Variants in SLC35E1 observed in about 807,000 individuals in gnomAD.
SLC35E1 encodes solute carrier family 35, member E1.
A neutral mutation model predicts 31.0 loss-of-function variants in SLC35E1; 12 were observed. The observed-to-expected ratio is 0.39, with a 90% CI of 0.25 to 0.63. The LOEUF (loss-of-function observed/expected upper bound fraction) is 0.63, where lower values mean the gene tolerates loss of function less well. Ranked by LOEUF, SLC35E1 falls within the 20% of genes least tolerant of loss-of-function variation. The pLI is 0.52. For synonymous variants in SLC35E1, 257 were observed against 264.1 expected (o/e 0.97, Z 0.26); for missense variants, 429 against 572.2 (o/e 0.75, Z 2.55).
At chr19:16,570,764 C>T (rs2085953644) in intron 2 of SLC35E1, among the ~76,000 whole-genome samples, 1 of 152,200 alleles carries the variant, frequency 6.6e-6, no homozygotes, top group Non-Finnish European at 1.5e-5. Context: ...CGTCTGGCTT[C>T]TGATCCCAGA....
chr19:16,558,774 T>G (rs1243809019), intron 4 of SLC35E1, among the ~76,000 whole-genome samples: 2 of 150,454 alleles, frequency 1.3e-5, no homozygotes, highest in African/African-American at 4.9e-5. Context: ...CTTGAGTTTT[T>G]TTTTTTTTTT....
rs61643316 is a variant in SLC35E1, at chr19:16,559,463, T to TACACACACACACACACACACAC, written c.757-4088_757-4067dup. ...GGCAAAACCTTCTTTCTACAAAAAA[T>TACACACACACACACACACACAC]ACACACACACACACACACACACACA... On this transcript the variant is annotated intron_variant, in intron 4 of 5. Transcript: ENST00000595753. Among the ~76,000 whole-genome samples the TACACACACACACACACACACAC allele has an allele frequency of 2.7e-3, 385 of 142,392 alleles. 1 individual carries two copies. The highest frequency in any genetic ancestry group is 3.8e-3 in the Non-Finnish European group (253 of 66,106). The allele number at this position is 142,392 out of a possible 152,430, so 93.4% of individuals were successfully genotyped here.
intron 2 of SLC35E1, among the ~76,000 whole-genome samples, chr19:16,569,261 G>C (rs2085946287): frequency 6.6e-6 from 1 of 150,652 alleles, no homozygotes; most frequent in Non-Finnish European, 1.5e-5. Context: ...TTGACCTCGT[G>C]ATCTGCCCAC....
At chr19:16,568,814 G>T (rs2085944386) in intron 2 of SLC35E1, among the ~76,000 whole-genome samples, 2 of 152,152 alleles carry the variant, frequency 1.3e-5, no homozygotes, top group South Asian at 4.1e-4. Context: ...TTACAGGTGT[G>T]AGCCACTGTG....
rs1458475165 is a variant in SLC35E1 at position 16,551,741 on chromosome 19, C to T, written c.*1938G>A. Reference sequence around the variant, plus strand: ...CCTTATGTTGATTTCTGCCAAGACCCAAACTGATTCCTTTTTTTTTTTTTT... The same window carrying T: ...CCTTATGTTGATTTCTGCCAAGACCTAAACTGATTCCTTTTTTTTTTTTTT... On this transcript the variant is annotated 3_prime_UTR_variant, in exon 6 of 6. Coordinates refer to ENST00000595753, the MANE Select transcript of SLC35E1 (RefSeq NM_024881.5). 3 of 151,782 alleles carry T rather than the reference C, an allele frequency of 2.0e-5. No individual in the cohort carries two copies. Among genetic ancestry groups the T allele is most frequent in the Non-Finnish European group, 4.4e-5 (3 of 68,436 alleles). The allele number at this position is 151,782 out of a possible 1,614,324, so 9.4% of individuals were successfully genotyped here. A position where few individuals can be genotyped will look rare whatever the true frequency, so the allele number is the denominator to read the frequency against.
intron 4 of SLC35E1, chr19:16,556,883 C>T (rs951628370): frequency 1.5e-5 from 7 of 471,384 alleles, no homozygotes; most frequent in Non-Finnish European, 2.2e-5. Flanking sequence ...TCAATGTCAA[C>T]CAACTCAAGA....
At chr19:16,560,300 G>C (rs986177877) in intron 4 of SLC35E1, among the ~76,000 whole-genome samples, 5 of 152,098 alleles carry the variant, frequency 3.3e-5, no homozygotes, top group African/African-American at 9.7e-5. Context: ...TGGCCCTCCA[G>C]TCAGAAAGCT....
Position 16,555,020 on chromosome 19 carries a change from A to T in SLC35E1, c.1002+132T>A. On this transcript the variant is annotated intron_variant, in intron 5 of 5. Transcript: ENST00000595753. This position sits in a 1 kb window ranked among gnomAD's most constrained non-coding sequence, Gnocchi z 4.1. ...CAGAGTGGGATGGGGCTACGCCAAG[A>T]TCATAAACCAGTCAGTGGCAAAGCT... is the stretch of plus-strand genomic sequence containing the variant. 7.5e-7 allele frequency: 1 copy of T among 1,337,946 alleles called. No individual in the cohort carries two copies. The highest frequency in any genetic ancestry group is 1.0e-6 in the Non-Finnish European group (1 of 996,968). 82.9% of individuals were successfully genotyped at this position (1,337,946 alleles called of 1,614,324 possible). A position where few individuals can be genotyped will look rare whatever the true frequency, so the allele number is the denominator to read the frequency against.
chr19:16,568,182 G>C lies in SLC35E1; in HGVS notation c.493-13C>G. On this transcript the variant is annotated splice_polypyrimidine_tract_variant and intron_variant, in intron 2 of 5. Transcript: ENST00000595753. ...GTGACAAGTATACCTGCAGGAAGAG[G>C]TCATCAAGAAGGGCTCACAGGCCAG... 1 of 1,601,558 alleles carries C rather than the reference G, an allele frequency of 6.2e-7. No individual in the cohort carries two copies. The highest frequency in any genetic ancestry group is 8.5e-7 in the Non-Finnish European group (1 of 1,174,162).
rs1169549303 is a variant in SLC35E1 at position 16,551,968 on chromosome 19, T to C, written c.*1711A>G. On this transcript the variant is annotated 3_prime_UTR_variant, in exon 6 of 6. Coordinates refer to ENST00000595753, the MANE Select transcript of SLC35E1 (RefSeq NM_024881.5). ...GGTTTCACCATGTTGGCCAGGGTGG[T>C]CTCAAACTCCAGTGATCCACCCACC... 1 of 151,874 alleles carries C rather than the reference T, an allele frequency of 6.6e-6. No homozygotes were observed. Among genetic ancestry groups the C allele is most frequent in the Non-Finnish European group, 1.5e-5 (1 of 68,012 alleles). 9.4% of individuals were successfully genotyped at this position (151,874 alleles called of 1,614,324 possible).
At chr19:16,559,440 CA>C (rs1434851573) in intron 4 of SLC35E1, among the ~76,000 whole-genome samples, 1 of 146,064 alleles carries the variant, frequency 6.8e-6, no homozygotes, top group African/African-American at 2.6e-5. Context: ...GGCAATATGG[CA>C]AAACCTTCTT....
intron 4 of SLC35E1, among the ~76,000 whole-genome samples, chr19:16,560,690 C>T (rs1167951205): frequency 7.1e-6 from 1 of 141,444 alleles, no homozygotes; most frequent in East Asian, 2.2e-4. Context: ...GGTGAAACCC[C>T]GTCTCTACTA....
chr19:16,555,632 A>C lies in SLC35E1; in HGVS notation c.757-235T>G, dbSNP rs895150747. On this transcript the variant is annotated intron_variant, in intron 4 of 5. Coordinates refer to ENST00000595753, the MANE Select transcript of SLC35E1 (RefSeq NM_024881.5). The surrounding 1 kb of genome is among the most constrained non-coding windows in gnomAD (Gnocchi z 4.1). ...AATCACCCGCCGTCTCCTGCCAAGGAAACAGGTGAAGCCAGGTCCCCAAAG... is the reference window on the plus strand; with the variant it reads ...AATCACCCGCCGTCTCCTGCCAAGGCAACAGGTGAAGCCAGGTCCCCAAAG... 5 of 535,324 alleles carry C rather than the reference A, an allele frequency of 9.3e-6. No individual in the cohort carries two copies. The highest frequency in any genetic ancestry group is 1.9e-5 in the African/African-American group (1 of 52,686). The allele number at this position is 535,324 out of a possible 1,614,324, so 33.2% of individuals were successfully genotyped here. A position where few individuals can be genotyped will look rare whatever the true frequency, so the allele number is the denominator to read the frequency against.
chr19:16,559,176 C>T (rs1004984335), intron 4 of SLC35E1, among the ~76,000 whole-genome samples: 1 of 151,940 alleles, frequency 6.6e-6, no homozygotes, highest in Admixed American at 6.6e-5. Context: ...ATTAGCCAGG[C>T]ATGGTGGCAG....
In SLC35E1 at chr19:16,555,063, C is replaced by A. The variant is rs2085868494; in HGVS notation, c.1002+89G>T. 2 of 1,558,498 alleles carry A rather than the reference C, an allele frequency of 1.3e-6. No individual in the cohort carries two copies. Among genetic ancestry groups the A allele is most frequent in the East Asian group, 2.3e-5 (1 of 44,020 alleles). ...GCAAAGCTCTGACATACAACCCCAG[C>A]CTTGAGCGCCCGGGAGGCCCTTCCT... On this transcript the variant is annotated intron_variant, in intron 5 of 5. Coordinates refer to ENST00000595753, the MANE Select transcript of SLC35E1 (RefSeq NM_024881.5). This position sits in a 1 kb window ranked among gnomAD's most constrained non-coding sequence, Gnocchi z 4.1.
intron 2 of SLC35E1, among the ~76,000 whole-genome samples, chr19:16,570,141 G>A (rs1167374525): frequency 6.6e-6 from 1 of 152,196 alleles, no homozygotes; most frequent in Non-Finnish European, 1.5e-5. Context: ...CTCACTGTGT[G>A]AAGTTCCGGC....
chr19:16,563,043 G>A (rs1056258123), intron 4 of SLC35E1, among the ~76,000 whole-genome samples: 7 of 152,122 alleles, frequency 4.6e-5, no homozygotes, highest in Non-Finnish European at 1.0e-4. Flanking sequence ...TTTTTGGGCT[G>A]GGCGTGGTCG....
chr19:16,554,527 A>C (rs2122322222), intron 5 of SLC35E1, among the ~76,000 whole-genome samples: 1 of 152,240 alleles, frequency 6.6e-6, no homozygotes, highest in East Asian at 1.9e-4. Flanking sequence ...TGTGTTAAGA[A>C]ACAAATGAAG....
chr19:16,572,034 A>AGC lies in SLC35E1; in HGVS notation c.329_330dup (p.Tyr111AlafsTer48), dbSNP rs1460309433. On this transcript the variant is annotated frameshift_variant, in exon 1 of 6. Transcript: ENST00000595753. LOFTEE classifies it high-confidence loss of function. The surrounding 1 kb of genome is among the most constrained non-coding windows in gnomAD (Gnocchi z 4.1). ...TTGCCGAAGGCGAGCGGTAGCACGT[A>AGC]GCGCGGGTAGAAGCGCGGCGGCAGC... 1 of 1,542,796 alleles carries AGC rather than the reference A, an allele frequency of 6.5e-7. No homozygotes were observed. Among genetic ancestry groups the AGC allele is most frequent in the Non-Finnish European group, 8.7e-7 (1 of 1,144,062 alleles).
Sources: gnomAD v4.1 joint callset for allele counts (sites outside exome capture counted in the v4.1 genomes callset) on GRCh38, gnomAD v4.1.1 for gene constraint, Gnocchi (gnomAD v3.1) non-coding constraint, MANE v1.5 for transcripts, NCBI Gene and HGNC (gene_info 2026-07-23, HGNC 2026-07-21) for gene names.